CARD10: variants seen among roughly 807,000 people sequenced by gnomAD.
CARD10 encodes the protein caspase recruitment domain-containing protein 10.
Under a neutral mutation model 114.6 loss-of-function variants are expected in CARD10, and 49 were observed. The ratio of observed to expected loss-of-function variants is 0.43; its 90% CI spans 0.34 to 0.54. The LOEUF (loss-of-function observed/expected upper bound fraction) is 0.54. Among genes scored for constraint, CARD10 ranks in the 20% least tolerant of loss-of-function variants. CARD10 has a pLI of 0.03. For missense variants in CARD10, 1,206 were observed against 1,397.2 expected, an observed-to-expected ratio of 0.86 and a Z score of 2.18; for synonymous variants, 602 against 593.2, an observed-to-expected ratio of 1.01 and a Z score of -0.21.
chr22:37,503,976 C>T lies in CARD10; in HGVS notation c.1634+210G>A, dbSNP rs566591919. On this transcript the variant is annotated intron_variant, in intron 9 of 19. Transcript: ENST00000251973. ...CAGGATGCTTGGCTAGGACTGAGTT[C>T]GCTCTGCCCATCGGCCTTATCTTAA... 2,081 of 704,254 alleles carry T rather than the reference C, an allele frequency of 3.0e-3. 12 individuals are homozygous for T. Among genetic ancestry groups the T allele is most frequent in the Non-Finnish European group, 3.7e-3 (1,412 of 377,298 alleles). 43.6% of individuals were successfully genotyped at this position (704,254 alleles called of 1,614,324 possible). A position where few individuals can be genotyped will look rare whatever the true frequency, so the allele number is the denominator to read the frequency against.
At position 37,504,789 on chromosome 22, in the gene CARD10, G is replaced by C; in HGVS notation, c.1384-20C>G. ...ACAGGCCTGGAAGAGGGAGAGGAGA[G>C]GAAGGAGGTGAGCAGTGCTAGGCCC... On this transcript the variant is annotated intron_variant, in intron 7 of 19. Transcript: ENST00000251973. 6.7e-7 allele frequency: 1 copy of C among 1,484,254 alleles called. No homozygotes were observed. The highest frequency in any genetic ancestry group is 9.0e-7 in the Non-Finnish European group (1 of 1,111,000). 91.9% of individuals were successfully genotyped at this position (1,484,254 alleles called of 1,614,324 possible). A position where few individuals can be genotyped will look rare whatever the true frequency, so the allele number is the denominator to read the frequency against.
chr22:37,499,652 T>A (rs1342319408), intron 11 of CARD10, among the ~76,000 whole-genome samples: 2 of 151,888 alleles, frequency 1.3e-5, no homozygotes, highest in African/African-American at 4.8e-5. Context: ...AGGCGCCCCC[T>A]CCTCCAGGAC....
rs1228380619 is a variant in CARD10, at chr22:37,496,362, C to T, written c.2059+87G>A. 7.3e-6 allele frequency: 7 copies of T among 953,396 alleles called. No homozygotes were observed. The East Asian group carries it at 1.7e-4, about 23-fold the overall frequency. 59.1% of individuals were successfully genotyped at this position (953,396 alleles called of 1,614,324 possible). On this transcript the variant is annotated intron_variant, in intron 13 of 19. Transcript: ENST00000251973. The surrounding 1 kb of genome is among the most constrained non-coding windows in gnomAD (Gnocchi z 4.1). ...AATTGGGGCAAGGCTGGTCCCTTCT[C>T]AGGTCCTTGGTCCCTCCCCACCCCA... is the stretch of plus-strand genomic sequence containing the variant.
In CARD10 at chr22:37,495,566, A is replaced by T; in HGVS notation, c.2324T>A (p.Val775Asp). 4 of 1,613,534 alleles carry T rather than the reference A, an allele frequency of 2.5e-6. No homozygotes were observed. The highest frequency in any genetic ancestry group is 3.4e-6 in the Non-Finnish European group (4 of 1,179,920). The change falls in exon 15 of 20, where the codon GTT (valine) becomes GAT (aspartate). Residue 775 changes from valine (V) to aspartate (D), a missense_variant. This residue lies in a region of CARD10 where 1,068 missense variants were observed against 1,179.1 expected (regional missense o/e 0.91). Transcript: ENST00000251973. The part of the protein sequence containing the change: ...NYQRAQQLLE[V>D]QEKCLPSSRH... ...GCTGGAGGGCAGGCATTTCTCCTGA[A>T]CTTCTAGGAGCTGCTGGGCTCTGTG...
rs749616471 is a variant in CARD10 at position 37,504,632 on chromosome 22, T to C, written c.1518+3A>G. 1.3e-6 allele frequency: 2 copies of C among 1,482,254 alleles called. No individual in the cohort carries two copies. The highest frequency in any genetic ancestry group is 2.5e-5 in the Admixed American group (1 of 40,612). The allele number at this position is 1,482,254 out of a possible 1,614,324, so 91.8% of individuals were successfully genotyped here. ...CTTATTTGGGATGGGGCAGTTGTCT[T>C]ACCGAGTTGTGAGGCTCAGGTCCCC... On this transcript the variant is annotated splice_donor_region_variant and intron_variant, in intron 8 of 19. Coordinates refer to ENST00000251973, the MANE Select transcript of CARD10 (RefSeq NM_014550.4).
At chr22:37,518,589 AGAG>A (rs1923920277) in intron 1 of CARD10, among the ~76,000 whole-genome samples, 1 of 152,172 alleles carries the variant, frequency 6.6e-6, no homozygotes, top group South Asian at 2.1e-4. Context: ...TATGGTGCAC[AGAG>A]GAGGGGACAG....
At position 37,510,310 on chromosome 22, in the gene CARD10, C is replaced by G. The variant is rs764103672; in HGVS notation, c.811G>C (p.Glu271Gln). 3.7e-6 allele frequency: 6 copies of G among 1,600,394 alleles called. No homozygotes were observed. In the South Asian group the frequency reaches 5.6e-5, roughly 15 times the overall value. Residue 271 changes from glutamate (E) to glutamine (Q), a missense_variant, in exon 4 of 20, where the codon GAG becomes CAG. Transcript: ENST00000251973. ...AEEKEKEKEK[E>Q]KEPDNVDLVS... ...AGGTCCACATTGTCTGGCTCCTTCT[C>G]CTTCTCCTTCTCCTTCTCCTTCTCC...
intron 7 of CARD10, 95 bp from the exon 8 acceptor site, chr22:37,504,864 A>AT: frequency 7.8e-6 from 5 of 642,010 alleles, no homozygotes; most frequent in Non-Finnish European, 1.2e-5. Context: ...CAGCACAGGG[A>AT]CAGATCCCTG....
intron 4 of CARD10, chr22:37,509,251 G>A (rs1040247463): frequency 2.2e-5 from 22 of 1,008,750 alleles, no homozygotes; most frequent in African/African-American, 8.3e-5. Flanking sequence ...CTGACCTGCC[G>A]CAGGACACTA....
At chr22:37,508,103 G>T in intron 5 of CARD10, 149 bp from the exon 6 acceptor site, 1 of 880,310 alleles carries the variant, frequency 1.1e-6, no homozygotes, top group Non-Finnish European at 1.7e-6. Flanking sequence ...AGTGGTCTGA[G>T]CCACTGACTT....
chr22:37,491,654 AAG>A (rs1922799564), intron 19 of CARD10, 99 bp downstream of exon 19: 1 of 232,932 alleles, frequency 4.3e-6, no homozygotes, highest in South Asian at 4.0e-5. Context: ...GGGAGGGAGA[AAG>A]AGGGGGAGGG....
At chr22:37,518,186 T>A in intron 1 of CARD10, 78 bp from the exon 2 acceptor site, 1 of 1,455,756 alleles carries the variant, frequency 6.9e-7, no homozygotes, top group African/African-American at 1.4e-5. Flanking sequence ...GCCCCCACCA[T>A]GCTCCAGGCC....
At chr22:37,504,417 C>T (rs749334632) in intron 8 of CARD10, 116 bp from the exon 9 acceptor site, 35 of 1,050,524 alleles carry the variant, frequency 3.3e-5, no homozygotes, top group Middle Eastern at 3.0e-4. Context: ...AGCAGAAGAG[C>T]GGGCTCTGCA....
chr22:37,497,081 A>G lies in CARD10; in HGVS notation c.1885T>C (p.Ser629Pro). The change falls in exon 12 of 20, where the codon TCT becomes CCT. Residue 629 changes from serine (S) to proline (P), a missense_variant. Coordinates refer to ENST00000251973, the MANE Select transcript of CARD10 (RefSeq NM_014550.4). ...DGLSFYGDRW[S>P]GAVVRRVLSG... Reference sequence around the variant, plus strand: ...AGCACCCTGCGCACCACAGCCCCAGACCATCTGTCCCCATAAAACGACAGT... The same window carrying G: ...AGCACCCTGCGCACCACAGCCCCAGGCCATCTGTCCCCATAAAACGACAGT... 6.2e-7 allele frequency: 1 copy of G among 1,614,154 alleles called. No individual in the cohort carries two copies. Among genetic ancestry groups the G allele is most frequent in the African/African-American group, 1.3e-5 (1 of 75,034 alleles).
rs978914149 is a variant in CARD10 at position 37,501,782 on chromosome 22, T to C, written c.1787+820A>G. Among the ~76,000 whole-genome samples, 5 of 152,224 alleles carry C rather than the reference T, an allele frequency of 3.3e-5. No individual in the cohort carries two copies. The highest frequency in any genetic ancestry group is 1.2e-4 in the African/African-American group (5 of 41,462). ...ATGCCTACTCCCTGGACAAAGAGCA[T>C]GTTGTAAAACAGCCAGCAGCTGGCC... On this transcript the variant is annotated intron_variant, in intron 11 of 19. Transcript: ENST00000251973. This position sits in a 1 kb window ranked among gnomAD's most constrained non-coding sequence, Gnocchi z 5.4.
Position 37,496,083 on chromosome 22 carries a change from A to T in CARD10, c.2060-80T>A, listed in dbSNP as rs5750442. ...TCCAGGATCGGCCTTGGTGGGGCCA[A>T]AGACATGGCCCTCTCGAGGCCTGAG... On this transcript the variant is annotated intron_variant, in intron 13 of 19. Transcript: ENST00000251973. The surrounding 1 kb of genome is among the most constrained non-coding windows in gnomAD (Gnocchi z 4.1). The T allele has an allele frequency of 0.13, 203,130 of 1,552,612 alleles. 14,705 individuals are homozygous for T. The highest frequency in any genetic ancestry group is 0.27 in the East Asian group (11,906 of 44,222).
At chr22:37,514,363 C>A (rs1923763906) in intron 3 of CARD10, among the ~76,000 whole-genome samples, 1 of 152,064 alleles carries the variant, frequency 6.6e-6, no homozygotes, top group Admixed American at 6.5e-5. Context: ...GAAAGGAAAG[C>A]CTTCCCCATG....
At position 37,503,229 on chromosome 22, in the gene CARD10, G is replaced by T; in HGVS notation, c.1635-16C>A. The T allele has an allele frequency of 6.2e-7, 1 of 1,608,984 alleles. No individual in the cohort carries two copies. Among genetic ancestry groups the T allele is most frequent in the Middle Eastern group, 1.7e-4 (1 of 6,052 alleles). ...GCTGAAGGATCTGGGCAGAGAGAGGGCAGGGAGGGGGCAGGAGGTGAGGCA... is the reference window on the plus strand; with the variant it reads ...GCTGAAGGATCTGGGCAGAGAGAGGTCAGGGAGGGGGCAGGAGGTGAGGCA... On this transcript the variant is annotated splice_polypyrimidine_tract_variant and intron_variant, in intron 9 of 19. Transcript: ENST00000251973.
At chr22:37,507,069 AG>A (rs893578327) in intron 6 of CARD10, among the ~76,000 whole-genome samples, 1 of 152,186 alleles carries the variant, frequency 6.6e-6, no homozygotes, top group African/African-American at 2.4e-5. Flanking sequence ...AGTTGAGCCC[AG>A]GAGTTCAAGA....
Sources: gnomAD v4.1 joint callset for allele counts (sites outside exome capture counted in the v4.1 genomes callset) on GRCh38, gnomAD v4.1.1 for gene constraint, gnomAD v4.1.1 regional missense constraint, Gnocchi (gnomAD v3.1) non-coding constraint, MANE v1.5 for transcripts, NCBI Gene and HGNC (gene_info 2026-07-23, HGNC 2026-07-21) for gene names.